ZNF385D: variants seen among roughly 807,000 people sequenced by gnomAD.
The protein encoded by ZNF385D is zinc finger protein 659.
In ZNF385D, 15 loss-of-function variants were observed where a neutral mutation model predicts 35.8. That is an observed-to-expected ratio of 0.42 (90% CI 0.28 to 0.64). The LOEUF (loss-of-function observed/expected upper bound fraction) is 0.64. ZNF385D is among the 30% of genes least tolerant of loss of function. The pLI is 0.23. For synonymous variants in ZNF385D, 212 were observed against 186.8 expected (o/e 1.13, Z -1.10); for missense variants, 474 against 494.6 (o/e 0.96, Z 0.39).
chr3:22,369,106 T>C (rs747362222), intron 2 of ZNF385D, among the ~76,000 whole-genome samples: 4 of 152,262 alleles, frequency 2.6e-5, no homozygotes, highest in Non-Finnish European at 5.9e-5. Context: ...AGAAGTACCA[T>C]CTACCTTGAG....
chr3:21,827,203 T>C (rs1694697313), intron 3 of ZNF385D, among the ~76,000 whole-genome samples: 2 of 152,210 alleles, frequency 1.3e-5, no homozygotes, highest in South Asian at 2.1e-4. Flanking sequence ...TCAATATTTA[T>C]GTCACACCTC....
At chr3:22,316,569 T>C (rs1703900883) in intron 2 of ZNF385D, among the ~76,000 whole-genome samples, 1 of 152,202 alleles carries the variant, frequency 6.6e-6, no homozygotes, top group Non-Finnish European at 1.5e-5. Flanking sequence ...ATGCATTTCC[T>C]TTGAAGTCAA....
At chr3:21,663,090 C>A (rs1411380630) in intron 2 of ZNF385D, among the ~76,000 whole-genome samples, 1 of 152,064 alleles carries the variant, frequency 6.6e-6, no homozygotes, top group East Asian at 1.9e-4. Context: ...CAGAGTTCAG[C>A]TTGACCAACA....
intron 3 of ZNF385D, among the ~76,000 whole-genome samples, chr3:22,066,958 C>T (rs866513838): frequency 1.3e-5 from 2 of 152,210 alleles, no homozygotes; most frequent in African/African-American, 4.8e-5. Flanking sequence ...TCCCTACTTT[C>T]TAACATCCAT....
intron 3 of ZNF385D, among the ~76,000 whole-genome samples, chr3:22,102,973 T>C (rs1021189629): frequency 2.0e-5 from 3 of 149,852 alleles, no homozygotes; most frequent in African/African-American, 7.3e-5. Context: ...AATGTGCTTT[T>C]TATATATTTT....
intron 2 of ZNF385D, among the ~76,000 whole-genome samples, chr3:21,601,777 C>T (rs1440518490): frequency 6.6e-6 from 1 of 152,090 alleles, no homozygotes; most frequent in Non-Finnish European, 1.5e-5. Context: ...TTAGCAGTCC[C>T]GCCCCCTGGA....
intron 4 of ZNF385D, among the ~76,000 whole-genome samples, chr3:21,466,024 A>C (rs1340343150): frequency 6.6e-6 from 1 of 152,066 alleles, no homozygotes; most frequent in South Asian, 2.1e-4. Flanking sequence ...GTGGTCTACG[A>C]CCCTACCACC....
Position 21,999,351 on chromosome 3 carries a change from C to A in ZNF385D, c.325+169466G>T, listed in dbSNP as rs138379783. ...AATTTTTTTTTTTTGCCTGTCACAT[C>A]TGATGTTATAGACAACTTTGAATGC... is the stretch of plus-strand genomic sequence containing the variant. On this transcript the variant is annotated intron_variant, in intron 3 of 5. Transcript: ENST00000494108. Among the ~76,000 whole-genome samples, 310 of 151,790 alleles carry A rather than the reference C, an allele frequency of 2.0e-3. 2 individuals carry two copies. Among genetic ancestry groups the A allele is most frequent in the Middle Eastern group, 6.8e-3 (2 of 294 alleles).
intron 2 of ZNF385D, among the ~76,000 whole-genome samples, chr3:21,633,516 C>T (rs2065341736): frequency 6.6e-6 from 1 of 152,026 alleles, no homozygotes; most frequent in African/African-American, 2.4e-5. Flanking sequence ...TCAACTATTG[C>T]ACCTGGATAA....
In ZNF385D at chr3:21,783,180, T is replaced by A. The variant is rs574584791; in HGVS notation, c.326-118152A>T. Among the ~76,000 whole-genome samples, 11 of 152,290 alleles carry A rather than the reference T, an allele frequency of 7.2e-5. No homozygotes were observed. In the South Asian group the frequency reaches 2.1e-3, roughly 29 times the overall value. On this transcript the variant is annotated intron_variant, in intron 3 of 5. Coordinates refer to the ZNF385D transcript ENST00000494108. ...ACTTTCACGTCTTGGAATTTTCAGA[T>A]TGTAAATACATGGCATCTGAAACAA...
At chr3:21,677,557 C>G (rs2066767333) in intron 1 of ZNF385D, among the ~76,000 whole-genome samples, 2 of 151,880 alleles carry the variant, frequency 1.3e-5, no homozygotes, top group South Asian at 4.1e-4. Context: ...ATTTGGGAGT[C>G]TAGAAAAGCA....
At chr3:21,982,480 T>G (rs957705081) in intron 3 of ZNF385D, among the ~76,000 whole-genome samples, 1 of 152,160 alleles carries the variant, frequency 6.6e-6, no homozygotes, top group Non-Finnish European at 1.5e-5. Flanking sequence ...GAGGAGCTTT[T>G]GGGCTGAGAC....
chr3:21,516,604 G>A (rs916759746), intron 3 of ZNF385D, among the ~76,000 whole-genome samples: 5 of 152,156 alleles, frequency 3.3e-5, no homozygotes, highest in African/African-American at 7.2e-5. Context: ...CCCATAACTG[G>A]GCCTTTCTTT....
intron 4 of ZNF385D, among the ~76,000 whole-genome samples, chr3:21,478,671 G>A (rs532263556): frequency 6.6e-6 from 1 of 152,186 alleles, no homozygotes; most frequent in South Asian, 2.1e-4. Context: ...GCTGTCCTCT[G>A]ATACAGAAAG....
chr3:21,756,702 G>A (rs1270717927), intron 3 of ZNF385D, among the ~76,000 whole-genome samples: 1 of 152,190 alleles, frequency 6.6e-6, no homozygotes, highest in Non-Finnish European at 1.5e-5. Context: ...ATGAATATTT[G>A]TTGAAAGTAT....
At chr3:22,113,974 T>C (rs193049193) in intron 3 of ZNF385D, among the ~76,000 whole-genome samples, 3 of 152,110 alleles carry the variant, frequency 2.0e-5, no homozygotes, top group African/African-American at 7.2e-5. Flanking sequence ...AGTTTACCTT[T>C]AACATAATTA....
At chr3:22,306,245 A>G (rs754460622) in intron 2 of ZNF385D, among the ~76,000 whole-genome samples, 3 of 152,046 alleles carry the variant, frequency 2.0e-5, no homozygotes, top group South Asian at 2.1e-4. Context: ...GGAGAAGCCT[A>G]ATCTTCTGGT....
At chr3:21,441,633 T>A in intron 4 of ZNF385D, 1 of 958,978 alleles carries the variant, frequency 1.0e-6, no homozygotes, top group Non-Finnish European at 1.2e-6. Context: ...TTAAGTTGCT[T>A]AAAATCATTT....
chr3:21,913,407 T>G (rs1486405861), intron 3 of ZNF385D, among the ~76,000 whole-genome samples: 1 of 152,138 alleles, frequency 6.6e-6, no homozygotes, highest in East Asian at 1.9e-4. Flanking sequence ...TGATGTTAGA[T>G]GGGACTACCT....
Sources: gnomAD v4.1 joint callset for allele counts (sites outside exome capture counted in the v4.1 genomes callset) on GRCh38, gnomAD v4.1.1 for gene constraint, MANE v1.5 for transcripts, NCBI Gene and HGNC (gene_info 2026-07-23, HGNC 2026-07-21) for gene names.